The following TSPEAR variants were observed in gnomAD, a reference collection of about 807,000 sequenced individuals.
TSPEAR encodes thrombospondin type laminin G domain and EAR repeats.
In TSPEAR, 69 loss-of-function variants were observed where a neutral mutation model predicts 71.6. That is an observed-to-expected ratio of 0.96 (90% confidence interval 0.79 to 1.18). The LOEUF (loss-of-function observed/expected upper bound fraction) is 1.18. Ranked by LOEUF, TSPEAR falls within the 50% of genes most tolerant of loss-of-function variation. The pLI is 0.00. For synonymous variants in TSPEAR, 402 were observed against 387.2 expected, an observed-to-expected ratio of 1.04 and a Z score of -0.45; for missense variants, 971 against 894.9, an observed-to-expected ratio of 1.09 and a Z score of -1.09.
At chr21:44,507,381 A>T (rs1289514705) in intron 10 of TSPEAR, among the ~76,000 whole-genome samples, 1 of 152,250 alleles carries the variant, frequency 6.6e-6, no homozygotes, top group East Asian at 1.9e-4. Context: ...AAAACCCCTC[A>T]GCGCCCTTGA....
At chr21:44,553,671 G>A (rs1238481000) in intron 2 of TSPEAR, among the ~76,000 whole-genome samples, 5 of 152,142 alleles carry the variant, frequency 3.3e-5, no homozygotes, top group African/African-American at 1.2e-4. Context: ...ATGGACAGAG[G>A]TGTGTGTATT....
At chr21:44,588,711 C>A (rs1555926002) in intron 1 of TSPEAR, among the ~76,000 whole-genome samples, 1 of 21,184 alleles carries the variant, frequency 4.7e-5, no homozygotes. Flanking sequence ...TATATATAAA[C>A]TGATATATAT....
chr21:44,641,139 AC>A (rs1314828742), intron 1 of TSPEAR, among the ~76,000 whole-genome samples: 2 of 152,148 alleles, frequency 1.3e-5, no homozygotes, highest in Non-Finnish European at 2.9e-5. Context: ...AACAATCTAG[AC>A]CCTCACTTAA....
At chr21:44,708,162 G>A (rs1357228990) in intron 1 of TSPEAR, among the ~76,000 whole-genome samples, 1 of 152,150 alleles carries the variant, frequency 6.6e-6, no homozygotes, top group Non-Finnish European at 1.5e-5. Context: ...GGGGGTAACA[G>A]GCTGGAGCTC....
chr21:44,576,303 G>A (rs587664808), intron 1 of TSPEAR, among the ~76,000 whole-genome samples: 34 of 146,758 alleles, frequency 2.3e-4, no homozygotes, highest in African/African-American at 8.3e-4. Flanking sequence ...ATGTCCCAGG[G>A]TGGGTGAGGG....
intron 1 of TSPEAR, among the ~76,000 whole-genome samples, chr21:44,604,699 A>T (rs1169054352): frequency 6.6e-6 from 1 of 152,236 alleles, no homozygotes; most frequent in Non-Finnish European, 1.5e-5. Context: ...GCTTTTCACC[A>T]CTGAGTATGG....
intron 9 of TSPEAR, chr21:44,515,503 G>A (rs1207522662): frequency 1.3e-5 from 2 of 152,338 alleles, no homozygotes; most frequent in Non-Finnish European, 2.9e-5. Flanking sequence ...TCAGGCGGAT[G>A]TCACCCACCC....
intron 2 of TSPEAR, chr21:44,550,286 C>T: frequency 4.0e-6 from 1 of 249,850 alleles, no homozygotes; most frequent in Non-Finnish European, 7.8e-6. Flanking sequence ...GGGGCCCAGC[C>T]CCCCAGAGCC....
chr21:44,687,162 T>C lies in TSPEAR; in HGVS notation c.82+24271A>G, dbSNP rs1035862922. Among the ~76,000 whole-genome samples, 4 of 152,168 alleles carry C rather than the reference T, an allele frequency of 2.6e-5. No individual in the cohort carries two copies. The highest frequency in any genetic ancestry group is 5.9e-5 in the Non-Finnish European group (4 of 68,016). ...GGCTGCCTTCGGGTGTCAGAAGGGCTTTCCCCCAGCACGCGTTTCCCCAGA... is the reference window on the plus strand; with the variant it reads ...GGCTGCCTTCGGGTGTCAGAAGGGCCTTCCCCCAGCACGCGTTTCCCCAGA... On this transcript the variant is annotated intron_variant, in intron 1 of 11. Coordinates refer to ENST00000323084, the MANE Select transcript of TSPEAR (RefSeq NM_144991.3). This position sits in a 1 kb window ranked among gnomAD's most constrained non-coding sequence, Gnocchi z 4.4.
At chr21:44,545,164 A>G (rs1555917618) in intron 2 of TSPEAR, among the ~76,000 whole-genome samples, 2 of 152,028 alleles carry the variant, frequency 1.3e-5, no homozygotes, top group Non-Finnish European at 2.9e-5. Flanking sequence ...CTAAAAATAC[A>G]AAAATTAGCC....
chr21:44,503,262 CTGGGAGGAAGCT>C (rs1555911390), intron 11 of TSPEAR, among the ~76,000 whole-genome samples: 156 of 123,378 alleles, frequency 1.3e-3, no homozygotes, highest in African/African-American at 4.9e-3. Flanking sequence ...AAGCAGTGTG[CTGGGAGGAAGCT>C]GGCCTCGGTG....
chr21:44,696,875 T>C lies in TSPEAR; in HGVS notation c.82+14558A>G, dbSNP rs530451643. On this transcript the variant is annotated intron_variant, in intron 1 of 11. Coordinates refer to ENST00000323084, the MANE Select transcript of TSPEAR (RefSeq NM_144991.3). ...GAGCTAAGCTACGCTACACGGTTCA[T>C]GGTGAGCATCCTCAAGAAACCACCC... Among the ~76,000 whole-genome samples, 24 of 152,296 alleles carry C rather than the reference T, an allele frequency of 1.6e-4. 1 individual carries two copies. The highest frequency in any genetic ancestry group is 4.6e-4 in the Admixed American group (7 of 15,302).
At position 44,697,140 on chromosome 21, in the gene TSPEAR, C is replaced by T. The variant is rs1467044813; in HGVS notation, c.82+14293G>A. The T allele has an allele frequency of 5.7e-6, 9 of 1,586,252 alleles. No homozygotes were observed. In the African/African-American group the frequency reaches 6.7e-5, roughly 12 times the overall value. On this transcript the variant is annotated intron_variant, in intron 1 of 11. Coordinates refer to ENST00000323084, the MANE Select transcript of TSPEAR (RefSeq NM_144991.3). ...CACTCCCTCCTTCCCATCCAGCACCCAGACACTCACTGTCTCCCTCTCAGC... is the reference window on the plus strand; with the variant it reads ...CACTCCCTCCTTCCCATCCAGCACCTAGACACTCACTGTCTCCCTCTCAGC...
chr21:44,646,457 G>C, intron 1 of TSPEAR: 1 of 1,603,422 alleles, frequency 6.2e-7, no homozygotes, highest in Non-Finnish European at 8.5e-7. Context: ...CCCCACCCCA[G>C]CATGGCCGCG....
chr21:44,674,258 TA>T (rs1225802043), intron 1 of TSPEAR, among the ~76,000 whole-genome samples: 3 of 146,128 alleles, frequency 2.1e-5, no homozygotes, highest in African/African-American at 7.4e-5. Flanking sequence ...AAATAGACTT[TA>T]AAAAAATACA....
intron 1 of TSPEAR, chr21:44,702,504 G>A: frequency 6.2e-7 from 1 of 1,608,554 alleles, no homozygotes; most frequent in Non-Finnish European, 8.5e-7. Context: ...TCTGTTGCAA[G>A]CCCGTCTGCT....
At chr21:44,697,319 C>A (rs1288210563) in intron 1 of TSPEAR, 7 of 1,612,408 alleles carry the variant, frequency 4.3e-6, no homozygotes, top group African/African-American at 4.0e-5. Flanking sequence ...CTGTGAGCCC[C>A]CCTGCTGCGC....
At position 44,642,016 on chromosome 21, in the gene TSPEAR, A is replaced by C. The variant is rs1379244705; in HGVS notation, c.82+69417T>G. On this transcript the variant is annotated intron_variant, in intron 1 of 11. Coordinates refer to ENST00000323084, the MANE Select transcript of TSPEAR (RefSeq NM_144991.3). This position sits in a 1 kb window ranked among gnomAD's most constrained non-coding sequence, Gnocchi z 4.1. ...GGAAAATCTAAAGAAAATAAAAATAAAGTCTAATAAAAATAAGCAGACATG... is the reference window on the plus strand; with the variant it reads ...GGAAAATCTAAAGAAAATAAAAATACAGTCTAATAAAAATAAGCAGACATG... Among the ~76,000 whole-genome samples, 2 of 152,260 alleles carry C rather than the reference A, an allele frequency of 1.3e-5. No individual in the cohort carries two copies. Among genetic ancestry groups the C allele is most frequent in the Non-Finnish European group, 2.9e-5 (2 of 68,054 alleles).
At chr21:44,659,187 G>A (rs1363967029) in intron 1 of TSPEAR, among the ~76,000 whole-genome samples, 2 of 152,194 alleles carry the variant, frequency 1.3e-5, no homozygotes, top group Non-Finnish European at 2.9e-5. Context: ...TCTGGGGAAA[G>A]GCAGAAGTGT....
Sources: allele counts gnomAD v4.1 joint callset (sites outside exome capture counted in the v4.1 genomes callset), GRCh38; gene constraint gnomAD v4.1.1; non-coding constraint Gnocchi (gnomAD v3.1); transcripts MANE v1.5; gene names NCBI Gene and HGNC (gene_info 2026-07-23, HGNC 2026-07-21).